The following SMOC2 variants were observed in gnomAD, a reference collection of about 807,000 sequenced individuals.
SMOC2 encodes SPARC related modular calcium binding 2.
Under a neutral mutation model 61.4 loss-of-function variants are expected in SMOC2, and 39 were observed. The observed-to-expected ratio is 0.64, with a 90% CI of 0.49 to 0.83. The LOEUF is 0.83. Among genes scored for constraint, SMOC2 ranks in the 40% least tolerant of loss-of-function variants. The pLI is 0.00. For missense variants in SMOC2, 556 were observed against 592.9 expected (o/e 0.94, Z 0.65); for synonymous variants, 247 against 239.9 (o/e 1.03, Z -0.27).
chr6:168,559,456 A>AAAAAAT lies in SMOC2; in HGVS notation c.637+10276_637+10281dup, dbSNP rs575773468. Among the ~76,000 whole-genome samples, 240 of 139,922 alleles carry AAAAAAT rather than the reference A, an allele frequency of 1.7e-3. 1 individual carries two copies. The highest frequency in any genetic ancestry group is 5.9e-3 in the African/African-American group (228 of 38,804). The allele number at this position is 139,922 out of a possible 152,430, so 91.8% of individuals were successfully genotyped here. On this transcript the variant is annotated intron_variant, in intron 7 of 12. Coordinates refer to ENST00000356284, the MANE Select transcript of SMOC2 (RefSeq NM_001166412.2). ...AGTGACAGAGTGAGACTCTGTCTCA[A>AAAAAAT]AAAAATAAAAATAAAAATAAAAATA...
chr6:168,591,409 T>C (rs1583138563), intron 7 of SMOC2, among the ~76,000 whole-genome samples: 1 of 152,306 alleles, frequency 6.6e-6, no homozygotes, highest in South Asian at 2.1e-4. Context: ...TATTACAACA[T>C]TTATACTACA....
chr6:168,638,611 G>A (rs1786807591), intron 9 of SMOC2, among the ~76,000 whole-genome samples: 1 of 152,170 alleles, frequency 6.6e-6, no homozygotes, highest in African/African-American at 2.4e-5. Context: ...AGGAGGCTGG[G>A]AAGGCCCATC....
At chr6:168,655,719 T>C (rs1466531454) in intron 11 of SMOC2, among the ~76,000 whole-genome samples, 1 of 151,722 alleles carries the variant, frequency 6.6e-6, no homozygotes, top group East Asian at 1.9e-4. Flanking sequence ...GTATCCTGGA[T>C]CCCCTCACAC....
intron 8 of SMOC2, 40 bp downstream of exon 8, chr6:168,599,044 G>T (rs1279870784): frequency 1.3e-6 from 2 of 1,522,970 alleles, no homozygotes; most frequent in Admixed American, 4.1e-5. Context: ...ACCATGGGAG[G>T]CTTTGGGGTG....
intron 9 of SMOC2, among the ~76,000 whole-genome samples, chr6:168,641,882 C>T (rs1319962836): frequency 6.6e-6 from 1 of 152,040 alleles, no homozygotes; most frequent in Non-Finnish European, 1.5e-5. Context: ...AGCCTATGGA[C>T]CTCTTTGTCT....
At chr6:168,529,767 A>G (rs1055421204) in intron 4 of SMOC2, among the ~76,000 whole-genome samples, 2 of 152,202 alleles carry the variant, frequency 1.3e-5, no homozygotes, top group African/African-American at 4.8e-5. Flanking sequence ...CTTCTTCCTG[A>G]AAGTTATATA....
chr6:168,550,492 C>G (rs1053729654), intron 7 of SMOC2, among the ~76,000 whole-genome samples: 8 of 152,146 alleles, frequency 5.3e-5, no homozygotes, highest in African/African-American at 1.9e-4. Flanking sequence ...CATGGCGAGT[C>G]TATGGTAGGC....
intron 7 of SMOC2, among the ~76,000 whole-genome samples, chr6:168,563,346 GTATA>G (rs1784467189): frequency 6.6e-6 from 1 of 152,034 alleles, no homozygotes; most frequent in South Asian, 2.1e-4. Flanking sequence ...GTGTATGTGT[GTATA>G]TGTATGTGTG....
intron 1 of SMOC2, among the ~76,000 whole-genome samples, chr6:168,473,452 G>T (rs1434470177): frequency 1.3e-5 from 2 of 152,174 alleles, no homozygotes; most frequent in Non-Finnish European, 2.9e-5. Context: ...GTGCCCTGCG[G>T]TGAGCCTGTG....
At chr6:168,534,777 G>C (rs921283258) in intron 4 of SMOC2, among the ~76,000 whole-genome samples, 1 of 152,134 alleles carries the variant, frequency 6.6e-6, no homozygotes, top group Non-Finnish European at 1.5e-5. Context: ...AGCCTCACAT[G>C]AGTTGAGAAC....
intron 1 of SMOC2, among the ~76,000 whole-genome samples, chr6:168,494,184 T>C (rs921447096): frequency 1.3e-5 from 2 of 152,190 alleles, no homozygotes; most frequent in African/African-American, 4.8e-5. Flanking sequence ...ACGCTCTGAG[T>C]GCAAGCATTC....
intron 9 of SMOC2, among the ~76,000 whole-genome samples, chr6:168,619,198 TA>T (rs1786182904): frequency 6.6e-6 from 1 of 152,208 alleles, no homozygotes; most frequent in African/African-American, 2.4e-5. Flanking sequence ...AAGTGCCATT[TA>T]AAAAATTCCC....
chr6:168,550,691 G>A (rs73041951), intron 7 of SMOC2, among the ~76,000 whole-genome samples: 17 of 152,142 alleles, frequency 1.1e-4, no homozygotes, highest in Non-Finnish European at 2.2e-4. Context: ...AACCCCAAGG[G>A]CCCCCCACCG....
intron 9 of SMOC2, among the ~76,000 whole-genome samples, chr6:168,647,525 G>A (rs1034663812): frequency 1.3e-5 from 2 of 152,182 alleles, no homozygotes; most frequent in African/African-American, 2.4e-5. Context: ...TCACCGTGCC[G>A]GACACAGCTG....
intron 1 of SMOC2, among the ~76,000 whole-genome samples, chr6:168,492,276 G>A (rs904892333): frequency 5.3e-5 from 8 of 152,192 alleles, no homozygotes; most frequent in South Asian, 2.1e-4. Flanking sequence ...TCCAAGATAC[G>A]AGGCACACAC....
chr6:168,577,165 C>T (rs540838450), intron 7 of SMOC2, among the ~76,000 whole-genome samples: 3 of 152,308 alleles, frequency 2.0e-5, no homozygotes, highest in Admixed American at 2.0e-4. Context: ...GACCAGGACG[C>T]CATCTAAACA....
chr6:168,660,094 G>C (rs937358765), intron 11 of SMOC2, among the ~76,000 whole-genome samples: 1 of 134,222 alleles, frequency 7.5e-6, no homozygotes, highest in Non-Finnish European at 1.6e-5. Context: ...TCTGGGGATG[G>C]GCTAGCTCTG....
chr6:168,603,082 A>G (rs994483572), intron 8 of SMOC2, among the ~76,000 whole-genome samples: 1 of 151,602 alleles, frequency 6.6e-6, no homozygotes, highest in South Asian at 2.1e-4. Context: ...GTGAGTTATC[A>G]TGAGATCCGA....
chr6:168,639,006 G>A (rs372222823), intron 9 of SMOC2, among the ~76,000 whole-genome samples: 9 of 152,074 alleles, frequency 5.9e-5, no homozygotes, highest in African/African-American at 2.2e-4. Context: ...GTGTAGACCT[G>A]GCTTCGTTAC....
Sources: gnomAD v4.1 joint callset for allele counts (sites outside exome capture counted in the v4.1 genomes callset) on GRCh38, gnomAD v4.1.1 for gene constraint, MANE v1.5 for transcripts, NCBI Gene and HGNC (gene_info 2026-07-23, HGNC 2026-07-21) for gene names.